Variants in GRM8 observed in about 807,000 individuals in gnomAD.
The protein encoded by GRM8 is glutamate metabotropic receptor 8, also known as metabotropic glutamate receptor 8.
Under a neutral mutation model 87.2 loss-of-function variants are expected in GRM8, and 47 were observed. The ratio of observed to expected loss-of-function variants is 0.54; its 90% CI spans 0.43 to 0.69. The LOEUF is 0.69. Among genes scored for constraint, GRM8 ranks in the 30% least tolerant of loss-of-function variants. The pLI is 0.00. For synonymous variants in GRM8, 396 were observed against 404.5 expected (o/e 0.98, Z 0.25); for missense variants, 1,019 against 1,139.2 (o/e 0.89, Z 1.52).
intron 2 of GRM8, among the ~76,000 whole-genome samples, chr7:127,149,120 C>G (rs1254514416): frequency 6.6e-6 from 1 of 151,658 alleles, no homozygotes; most frequent in Non-Finnish European, 1.5e-5. Context: ...AGAAAACAAT[C>G]AACAAAATGA....
intron 3 of GRM8, among the ~76,000 whole-genome samples, chr7:126,909,710 T>A (rs1318649757): frequency 1.3e-5 from 2 of 152,328 alleles, no homozygotes; most frequent in East Asian, 3.9e-4. Context: ...ATGTATACTT[T>A]ACAATACACA....
At chr7:126,942,175 T>C (rs1807025261) in intron 3 of GRM8, among the ~76,000 whole-genome samples, 1 of 152,190 alleles carries the variant, frequency 6.6e-6, no homozygotes, top group African/African-American at 2.4e-5. Context: ...CTCCCAATAA[T>C]CAAGTGATAG....
At chr7:126,899,552 T>C (rs1801863575) in intron 6 of GRM8, among the ~76,000 whole-genome samples, 1 of 152,306 alleles carries the variant, frequency 6.6e-6, no homozygotes, top group African/African-American at 2.4e-5. Flanking sequence ...TCCCTAATTA[T>C]CTATATCCAA....
intron 9 of GRM8, among the ~76,000 whole-genome samples, chr7:126,504,165 C>T (rs1273925761): frequency 2.0e-5 from 3 of 151,888 alleles, no homozygotes; most frequent in Non-Finnish European, 2.9e-5. Context: ...GAAATGTACA[C>T]GTGATTTACA....
chr7:126,807,298 G>T (rs906551241), intron 6 of GRM8, among the ~76,000 whole-genome samples: 1 of 151,690 alleles, frequency 6.6e-6, no homozygotes, highest in East Asian at 1.9e-4. Context: ...GAGACCAAAG[G>T]CTACTTCGAC....
chr7:126,514,085 G>T (rs1014345461), intron 9 of GRM8, among the ~76,000 whole-genome samples: 1 of 152,216 alleles, frequency 6.6e-6, no homozygotes, highest in Admixed American at 6.5e-5. Flanking sequence ...CAAGCACAGT[G>T]CTGGGTACAG....
intron 6 of GRM8, among the ~76,000 whole-genome samples, chr7:126,832,850 T>G (rs1294820501): frequency 6.6e-6 from 1 of 152,242 alleles, no homozygotes; most frequent in East Asian, 1.9e-4. Context: ...ATATGTTGAA[T>G]AGCTGTATTA....
chr7:127,236,023 TTTTAC>T (rs1174782967), intron 2 of GRM8, among the ~76,000 whole-genome samples: 1 of 148,320 alleles, frequency 6.7e-6, no homozygotes, highest in Non-Finnish European at 1.5e-5. Flanking sequence ...ATTTTGCTTA[TTTTAC>T]TTTATTTTTG....
At chr7:126,817,102 C>T (rs1793859134) in intron 6 of GRM8, among the ~76,000 whole-genome samples, 1 of 152,068 alleles carries the variant, frequency 6.6e-6, no homozygotes, top group Admixed American at 6.6e-5. Flanking sequence ...TTTATATACA[C>T]TTCAATTGTT....
intron 6 of GRM8, among the ~76,000 whole-genome samples, chr7:126,885,191 T>G (rs1359576892): frequency 2.6e-5 from 4 of 152,200 alleles, no homozygotes; most frequent in African/African-American, 4.8e-5. Flanking sequence ...AGCTCAGTCT[T>G]GGTCCTTATC....
chr7:126,911,349 C>A (rs764363587), intron 3 of GRM8, among the ~76,000 whole-genome samples: 3 of 151,818 alleles, frequency 2.0e-5, no homozygotes, highest in Non-Finnish European at 4.4e-5. Context: ...CAGTTCCTAC[C>A]CCCAAGAATT....
intron 6 of GRM8, among the ~76,000 whole-genome samples, chr7:126,872,473 A>T (rs1347900691): frequency 6.6e-6 from 1 of 152,162 alleles, no homozygotes; most frequent in Admixed American, 6.6e-5. Flanking sequence ...TGTTTAGGGT[A>T]CCCTAAATAG....
chr7:126,500,368 G>T (rs1340864719), intron 9 of GRM8, among the ~76,000 whole-genome samples: 1 of 151,990 alleles, frequency 6.6e-6, no homozygotes, highest in African/African-American at 2.4e-5. Flanking sequence ...GCTAGAGGGA[G>T]ATGGAAGACA....
At chr7:126,911,423 T>C (rs541116812) in intron 3 of GRM8, among the ~76,000 whole-genome samples, 168 of 152,328 alleles carry the variant, frequency 1.1e-3, no homozygotes, top group African/African-American at 3.9e-3. Context: ...GAGTTGAAAT[T>C]AGAATTTAAC....
intron 3 of GRM8, chr7:127,084,807 C>T (rs6467111): frequency 0.18 from 26,682 of 152,100 alleles, 2,516 homozygotes; most frequent in Middle Eastern, 0.25. Context: ...AAGGAAAGAC[C>T]ACAGGTTGTT....
At chr7:126,673,266 G>A (rs901110478) in intron 7 of GRM8, among the ~76,000 whole-genome samples, 1 of 152,118 alleles carries the variant, frequency 6.6e-6, no homozygotes, top group Non-Finnish European at 1.5e-5. Flanking sequence ...TGATCTGCAA[G>A]CCTACGTTTT....
chr7:126,580,688 C>T (rs981179399), intron 8 of GRM8, among the ~76,000 whole-genome samples: 4 of 152,088 alleles, frequency 2.6e-5, no homozygotes, highest in Non-Finnish European at 5.9e-5. Flanking sequence ...TCATAGTTTC[C>T]TCTTCTATAA....
rs529135169 is a variant in GRM8, at chr7:126,948,659, G to A, written c.728-43976C>T. On this transcript the variant is annotated intron_variant, in intron 3 of 10. Coordinates refer to ENST00000339582, the MANE Select transcript of GRM8 (RefSeq NM_000845.3). Reference sequence around the variant, plus strand: ...AAGGATAGCAGTGGGCGGCTAGTCCGTGCCTGCTGCTCTTTCCTCTAGTCT... The same window carrying A: ...AAGGATAGCAGTGGGCGGCTAGTCCATGCCTGCTGCTCTTTCCTCTAGTCT... Among the ~76,000 whole-genome samples the A allele has an allele frequency of 6.6e-5, 10 of 152,152 alleles. No individual in the cohort carries two copies. In the South Asian group the frequency reaches 8.3e-4, roughly 13 times the overall value.
chr7:126,515,078 G>A (rs1811980749), intron 9 of GRM8, among the ~76,000 whole-genome samples: 1 of 151,968 alleles, frequency 6.6e-6, no homozygotes, highest in African/African-American at 2.4e-5. Flanking sequence ...TGGGGGGTAT[G>A]TAAAATATAC....
Sources: allele counts gnomAD v4.1 joint callset (sites outside exome capture counted in the v4.1 genomes callset), GRCh38; gene constraint gnomAD v4.1.1; transcripts MANE v1.5; gene names NCBI Gene and HGNC (gene_info 2026-07-23, HGNC 2026-07-21).